ACKR3: variants seen among roughly 807,000 people sequenced by gnomAD.
ACKR3 encodes C-X-C chemokine receptor type 7.
ACKR3 carries 6 observed loss-of-function variants against 22.4 expected under a neutral mutation model. The ratio of observed to expected loss-of-function variants is 0.27; its 90% CI spans 0.15 to 0.53. The LOEUF (loss-of-function observed/expected upper bound fraction) is 0.53, where lower values mean the gene tolerates loss of function less well. ACKR3 is among the 20% of genes least tolerant of loss of function. The pLI, the probability that ACKR3 is intolerant of heterozygous loss-of-function variation, is 0.96. For synonymous variants in ACKR3, 209 were observed against 205.2 expected (o/e 1.02, Z -0.16); for missense variants, 396 against 475.2 (o/e 0.83, Z 1.55).
At chr2:236,551,722 T>C in the ACKR3 span, among the ~76,000 whole-genome samples, 40,119 of 152,190 alleles carry the variant, frequency 0.26, 8,271 homozygotes, top group African/African-American at 0.58. Flanking sequence ...GAAACAATGT[T>C]ATACTTCTCC....
the ACKR3 span, among the ~76,000 whole-genome samples, chr2:236,547,616 G>GT: frequency 6.6e-6 from 1 of 152,114 alleles, no homozygotes; most frequent in Non-Finnish European, 1.5e-5. Context: ...TAGTTAAAAT[G>GT]TTTTTTAAAT....
intron 1 of ACKR3, among the ~76,000 whole-genome samples, chr2:236,572,417 G>T (rs1258195952): frequency 6.6e-6 from 1 of 152,224 alleles, no homozygotes; most frequent in Non-Finnish European, 1.5e-5. Flanking sequence ...AACGAGCCCA[G>T]GGCAGTGTGG....
At chr2:236,543,940 G>GGT in the ACKR3 span, among the ~76,000 whole-genome samples, 13 of 80,958 alleles carry the variant, frequency 1.6e-4, no homozygotes, top group South Asian at 1.0e-3. Flanking sequence ...CTGGGAGAAG[G>GGT]GTATATATAT....
At chr2:236,563,239 C>A (rs1486634040), upstream of ACKR3, among the ~76,000 whole-genome samples, 1 of 152,216 alleles carries the variant, frequency 6.6e-6, no homozygotes, top group East Asian at 1.9e-4. Context: ...AGGACAAAAA[C>A]CTGATTCACA....
At chr2:236,539,301 CTTTTCTTTTTTTTTTTT>C in the ACKR3 span, among the ~76,000 whole-genome samples, 1 of 129,200 alleles carries the variant, frequency 7.7e-6, no homozygotes, top group Non-Finnish European at 1.6e-5. Flanking sequence ...TTTCATTTTT[CTTTTCTTTTTTTTTTTT>C]TTTTTTGTTT....
chr2:236,580,189 G>A (rs1428724266), intron 1 of ACKR3, among the ~76,000 whole-genome samples: 1 of 152,246 alleles, frequency 6.6e-6, no homozygotes, highest in Non-Finnish European at 1.5e-5. Context: ...GCCATGAAAA[G>A]ATGGAGAAAG....
Position 236,581,242 on chromosome 2 carries a change from G to T in ACKR3, c.777G>T (p.Val259=), listed in dbSNP as rs146818394. ...SSRKIIFSYV[V]VFLVCWLPYH... ...GGAAGATCATCTTCTCCTACGTGGTGGTCTTCCTTGTCTGCTGGCTGCCCT... is the reference window on the plus strand; with the variant it reads ...GGAAGATCATCTTCTCCTACGTGGTTGTCTTCCTTGTCTGCTGGCTGCCCT... The change falls in exon 2 of 2, where the codon GTG becomes GTT. Residue 259 remains valine, a synonymous_variant. Transcript: ENST00000272928. This position sits in a 1 kb window ranked among gnomAD's most constrained non-coding sequence, Gnocchi z 4.4. 2.5e-6 allele frequency: 4 copies of T among 1,613,948 alleles called. No individual in the cohort carries two copies. In the African/African-American group the frequency reaches 5.3e-5, roughly 22 times the overall value.
chr2:236,541,952 C>G, the ACKR3 span, among the ~76,000 whole-genome samples: 1 of 150,670 alleles, frequency 6.6e-6, no homozygotes, highest in African/African-American at 2.4e-5. Context: ...TATTAAACCT[C>G]TTTTTTTTTT....
At chr2:236,542,073 A>C in the ACKR3 span, among the ~76,000 whole-genome samples, 1 of 152,212 alleles carries the variant, frequency 6.6e-6, no homozygotes, top group African/African-American at 2.4e-5. Flanking sequence ...AATGCTCTGT[A>C]TGCTACTGCA....
the ACKR3 span, among the ~76,000 whole-genome samples, chr2:236,557,998 G>GC: frequency 6.6e-6 from 1 of 152,224 alleles, no homozygotes; most frequent in East Asian, 1.9e-4. Context: ...GAGAAACTGG[G>GC]CCAGACTGAA....
At chr2:236,573,176 A>G (rs1367998763) in intron 1 of ACKR3, among the ~76,000 whole-genome samples, 1 of 151,790 alleles carries the variant, frequency 6.6e-6, no homozygotes, top group Non-Finnish European at 1.5e-5. Context: ...ACAGACACAC[A>G]GACACACACA....
chr2:236,560,701 T>A, the ACKR3 span, among the ~76,000 whole-genome samples: 1 of 152,230 alleles, frequency 6.6e-6, no homozygotes, highest in Non-Finnish European at 1.5e-5. Flanking sequence ...CAGTTGTTTA[T>A]TTTGTCTTTC....
chr2:236,544,074 C>G, the ACKR3 span, among the ~76,000 whole-genome samples: 1 of 148,920 alleles, frequency 6.7e-6, no homozygotes, highest in African/African-American at 2.4e-5. This position sits in a 1 kb window ranked among gnomAD's most constrained non-coding sequence, Gnocchi z 5.0. Context: ...ACTGCAACCT[C>G]TGCCTCCCGG....
chr2:236,566,765 T>TTCCTTCCTTCCTTCCTTCCC (rs1292785344), upstream of ACKR3, among the ~76,000 whole-genome samples: 1 of 148,624 alleles, frequency 6.7e-6, no homozygotes, highest in African/African-American at 2.5e-5. Context: ...CCTTCCTTCC[T>TTCCTTCCTTCCTTCCTTCCC]TTTCTTTGCT....
the ACKR3 span, among the ~76,000 whole-genome samples, chr2:236,557,071 T>TTTG: frequency 6.6e-6 from 1 of 152,178 alleles, no homozygotes; most frequent in South Asian, 2.1e-4. Context: ...CCAATGGGAC[T>TTTG]GAGCAAATAA....
intron 1 of ACKR3, among the ~76,000 whole-genome samples, chr2:236,576,674 T>C (rs1176443217): frequency 6.6e-6 from 1 of 152,256 alleles, no homozygotes; most frequent in African/African-American, 2.4e-5. Context: ...CTGCCCACCC[T>C]AAACGTCCTG....
chr2:236,569,192 A>G (rs1392230161), upstream of ACKR3, among the ~76,000 whole-genome samples: 1 of 152,254 alleles, frequency 6.6e-6, no homozygotes, highest in East Asian at 1.9e-4. Context: ...GTAGAATACT[A>G]TCTTGATTAG....
chr2:236,550,855 C>T, the ACKR3 span, among the ~76,000 whole-genome samples: 9 of 152,348 alleles, frequency 5.9e-5, no homozygotes, highest in South Asian at 8.3e-4. The surrounding 1 kb of genome is among the most constrained non-coding windows in gnomAD (Gnocchi z 4.6). Flanking sequence ...AAACCACTTT[C>T]CGTGTCATGT....
chr2:236,540,423 C>T, the ACKR3 span, among the ~76,000 whole-genome samples: 1 of 151,674 alleles, frequency 6.6e-6, no homozygotes, highest in African/African-American at 2.4e-5. Context: ...ATTCTGGACA[C>T]CAGCCCTTTG....
Sources: allele counts gnomAD v4.1 joint callset (sites outside exome capture counted in the v4.1 genomes callset), GRCh38; gene constraint gnomAD v4.1.1; non-coding constraint Gnocchi (gnomAD v3.1); transcripts MANE v1.5; gene names NCBI Gene and HGNC (gene_info 2026-07-23, HGNC 2026-07-21).